Variants in UNC13D observed in about 807,000 individuals in gnomAD.
UNC13D encodes the protein protein unc-13 homolog D.
UNC13D carries 115 observed loss-of-function variants against 151.7 expected under a neutral mutation model. The ratio of observed to expected loss-of-function variants is 0.76; its 90% CI spans 0.65 to 0.88. UNC13D has a LOEUF of 0.88. Among genes scored for constraint, UNC13D ranks in the 40% least tolerant of loss-of-function variants. The pLI, the probability that UNC13D is intolerant of heterozygous loss-of-function variation, is 0.00. For missense variants in UNC13D, 1,369 were observed against 1,438.7 expected, an observed-to-expected ratio of 0.95 and a Z score of 0.78; for synonymous variants, 588 against 612.2, an observed-to-expected ratio of 0.96 and a Z score of 0.58.
At position 75,840,372 on chromosome 17, in the gene UNC13D, T is replaced by A. The variant is rs774224810; in HGVS notation, c.754-43A>T. On this transcript the variant is annotated intron_variant, in intron 9 of 31. Transcript: ENST00000207549. The surrounding 1 kb of genome is among the most constrained non-coding windows in gnomAD (Gnocchi z 4.6). ...CCAGCCCGTGAGCGTCAGAACCTCA[T>A]AGAGTCGGGGCAGCGGAGGCGACAG... 17 of 1,609,964 alleles carry A rather than the reference T, an allele frequency of 1.1e-5. No homozygotes were observed. Among genetic ancestry groups the A allele is most frequent in the Non-Finnish European group, 1.4e-5 (16 of 1,177,510 alleles).
chr17:75,831,141 C>G lies in UNC13D; in HGVS notation c.2582G>C (p.Gly861Ala), dbSNP rs1249700092. ...QNLEICFHAEGCGLPPKALHT... is the reference protein window; with the variant it reads ...QNLEICFHAEACGLPPKALHT... ...CAGGGCCTTGGGTGGCAGGCCACAG[C>G]CCTCAGCGTGGAAGCAGATCTCCAG... The change falls in exon 27 of 32, where the codon GGC becomes GCC. Residue 861 changes from glycine (G) to alanine (A), a missense_variant. Gly to Ala is a moderately conservative substitution (Grantham distance 60, BLOSUM62 0). Transcript: ENST00000207549. The G allele has an allele frequency of 6.2e-7, 1 of 1,614,032 alleles. No individual in the cohort carries two copies. Among genetic ancestry groups the G allele is most frequent in the African/African-American group, 1.3e-5 (1 of 75,058 alleles).
In UNC13D at chr17:75,842,811, G is replaced by A. The variant is rs201250458; in HGVS notation, c.388+46C>T. On this transcript the variant is annotated intron_variant, in intron 5 of 31. Coordinates refer to ENST00000207549, the MANE Select transcript of UNC13D (RefSeq NM_199242.3). ...CCTGGGCCAGGCTGTGATGGGAGAGGAAGGAGCCAGGAAGAAGCCCCTTGG... is the reference window on the plus strand; with the variant it reads ...CCTGGGCCAGGCTGTGATGGGAGAGAAAGGAGCCAGGAAGAAGCCCCTTGG... The A allele has an allele frequency of 1.1e-3, 1,691 of 1,609,786 alleles. 9 individuals are homozygous for A. The Middle Eastern group carries it at 0.02, about 19-fold the overall frequency.
intron 1 of UNC13D, chr17:75,843,842 C>T: frequency 7.3e-7 from 1 of 1,375,202 alleles, no homozygotes; most frequent in Non-Finnish European, 9.4e-7. Flanking sequence ...TGAGGCTCGG[C>T]AGCGGAGGTG....
intron 30 of UNC13D, among the ~76,000 whole-genome samples, chr17:75,829,500 A>G (rs146038906): frequency 0.051 from 7,763 of 151,036 alleles, 387 homozygotes; most frequent in African/African-American, 0.13. Flanking sequence ...TCACCATGTT[A>G]GCCAGGATGG....
At chr17:75,834,828 G>C in intron 21 of UNC13D, 92 bp downstream of exon 21, 4 of 1,610,958 alleles carry the variant, frequency 2.5e-6, no homozygotes, top group Non-Finnish European at 3.4e-6. Context: ...ACAGGCCTTG[G>C]GAGGCTGCCT....
At chr17:75,829,733 G>A (rs1316669415) in intron 30 of UNC13D, 1 of 381,800 alleles carries the variant, frequency 2.6e-6, no homozygotes, top group African/African-American at 2.1e-5. Context: ...TGAGAGTACA[G>A]GTACCCACCA....
rs2064917960 is a variant in UNC13D, at chr17:75,837,653, C to G, written c.1056-735G>C. Among the ~76,000 whole-genome samples, 3 of 149,284 alleles carry G rather than the reference C, an allele frequency of 2.0e-5. No individual in the cohort carries two copies. The Admixed American group carries it at 2.0e-4, about 10-fold the overall frequency. On this transcript the variant is annotated intron_variant, in intron 12 of 31. Transcript: ENST00000207549. ...CCTGTAGTCCCAGCTACTTGGGAGG[C>G]TGAGACAAGAGAATCACTTGAACCT...
chr17:75,835,724 T>A lies in UNC13D; in HGVS notation c.1650A>T (p.Pro550=). 1 of 1,613,764 alleles carries A rather than the reference T, an allele frequency of 6.2e-7. No homozygotes were observed. Residue 550 remains proline (P), a synonymous_variant, in exon 19 of 32, where the codon CCA becomes CCT. Transcript: ENST00000207549. ...GCTGGAACAGACTCTCGCCCATCTC[T>A]GGGGACACTACATCACCCACAACCG... is the stretch of plus-strand genomic sequence containing the variant. ...HTTVVGDVVS[P]EMGESLFQLY...
chr17:75,836,681 C>T lies in UNC13D; in HGVS notation c.1189G>A (p.Ala397Thr), dbSNP rs769602840. 36 of 1,613,646 alleles carry T rather than the reference C, an allele frequency of 2.2e-5. No homozygotes were observed. The highest frequency in any genetic ancestry group is 1.7e-4 in the Middle Eastern group (1 of 6,060). The change falls in exon 14 of 32, where the codon GCC becomes ACC. Residue 397 changes from alanine to threonine, a missense_variant. Physicochemically the swap from Ala to Thr is moderately conservative, Grantham distance 58. Coordinates refer to ENST00000207549, the MANE Select transcript of UNC13D (RefSeq NM_199242.3). ...TAGGTCAGCAGGGAGCTGAATGAGG[C>T]GGCCAGCTCCTCCTGCTGAAGAGCC... ...LKAEQQEELA[A>T]SFSSLLTYGL...
At chr17:75,830,697 G>A (rs370098670) in intron 27 of UNC13D, 36 bp from the exon 28 acceptor site, 2 of 1,552,458 alleles carry the variant, frequency 1.3e-6, no homozygotes, top group Admixed American at 3.9e-5. Flanking sequence ...CACCTGGACT[G>A]CACGCCCAAC....
At chr17:75,831,369 T>C (rs1486813732) in intron 25 of UNC13D, 21 bp from the exon 26 acceptor site, 5 of 1,602,414 alleles carry the variant, frequency 3.1e-6, no homozygotes, top group Admixed American at 1.7e-5. Context: ...GCCGGAGGGA[T>C]GCGGACACAG....
chr17:75,827,303 G>C lies in UNC13D; in HGVS notation c.*662C>G. ...TAGGTGGCAGGTGCTGTCCGGGGAG[G>C]GGGCGTGCGCAGCAGACACAGCAGC... On this transcript the variant is annotated 3_prime_UTR_variant, in exon 32 of 32. Transcript: ENST00000207549. 1 of 619,920 alleles carries C rather than the reference G, an allele frequency of 1.6e-6. No homozygotes were observed. Among genetic ancestry groups the C allele is most frequent in the East Asian group, 3.2e-5 (1 of 30,816 alleles). The allele number at this position is 619,920 out of a possible 1,614,324, so 38.4% of individuals were successfully genotyped here.
At chr17:75,843,135 G>A (rs764920061) in intron 3 of UNC13D, 24 bp downstream of exon 3, 6 of 1,609,524 alleles carry the variant, frequency 3.7e-6, no homozygotes, top group East Asian at 4.5e-5. Flanking sequence ...GCAGGAAGGG[G>A]GGTGGGGTGG....
At position 75,836,638 on chromosome 17, in the gene UNC13D, CG is replaced by C. The variant is rs775830124; in HGVS notation, c.1231del (p.Arg411GlyfsTer31). 6.2e-7 allele frequency: 1 copy of C among 1,613,788 alleles called. No individual in the cohort carries two copies. The highest frequency in any genetic ancestry group is 8.5e-7 in the Non-Finnish European group (1 of 1,180,026). ...SLLTYGLSLI[R>X]RFRSVFPLSV... ...GAGGGGGAAGACAGAGCGGAACCTCCGGATGAGGGAGAGGCCGTAGGTCAGC... is the reference window on the plus strand; with the variant it reads ...GAGGGGGAAGACAGAGCGGAACCTCCGATGAGGGAGAGGCCGTAGGTCAGC... On this transcript the variant is annotated frameshift_variant, in exon 14 of 32. Coordinates refer to ENST00000207549, the MANE Select transcript of UNC13D (RefSeq NM_199242.3). LOFTEE classifies it high-confidence loss of function.
chr17:75,832,719 T>G lies in UNC13D; in HGVS notation c.2447+247A>C, dbSNP rs946900694. ...TGAGAAGTGGCAAGCTCCCCGTCCC[T>G]GCAGCGAGCCTTAGCAGAGCCTGTT... On this transcript the variant is annotated intron_variant, in intron 25 of 31. Transcript: ENST00000207549. This position sits in a 1 kb window ranked among gnomAD's most constrained non-coding sequence, Gnocchi z 4.3. 1 of 452,972 alleles carries G rather than the reference T, an allele frequency of 2.2e-6. No individual in the cohort carries two copies. Among genetic ancestry groups the G allele is most frequent in the Middle Eastern group, 3.1e-4 (1 of 3,182 alleles). 28.1% of individuals were successfully genotyped at this position (452,972 alleles called of 1,614,324 possible).
chr17:75,839,862 T>A lies in UNC13D; in HGVS notation c.1032A>T (p.Leu344=). 1 of 1,613,908 alleles carries A rather than the reference T, an allele frequency of 6.2e-7. No individual in the cohort carries two copies. Among genetic ancestry groups the A allele is most frequent in the Non-Finnish European group, 8.5e-7 (1 of 1,179,994 alleles). ...ACGCCATGGACTGGTGGAAGTCGGA[T>A]AGGTCCTTCTGTGTGGCGTGCAGAA... ...VLFLHATQKD[L]SDFHQSMAQW... is the part of the protein sequence containing the mutation. Residue 344 remains leucine (L), a synonymous_variant, in exon 12 of 32, where the codon CTA becomes CTT. Transcript: ENST00000207549.
Position 75,828,967 on chromosome 17 carries a change from G to T in UNC13D, c.2971C>A (p.Pro991Thr), listed in dbSNP as rs1478177611. ...ETFEFLVPAE[P>T]CRKAGACLLL... ...AGGCATGCCCCAGCCTTGCGGCACG[G>T]CTCAGCAGGCACCAGGCTGCGGGGA... Residue 991 changes from proline (P) to threonine (T), a missense_variant, in exon 31 of 32, where the codon CCG becomes ACG. This residue lies in a region of UNC13D where 807 missense variants were observed against 795.5 expected (regional missense o/e 1.01). Transcript: ENST00000207549. The T allele has an allele frequency of 1.2e-6, 2 of 1,603,958 alleles. No homozygotes were observed. Among genetic ancestry groups the T allele is most frequent in the East Asian group, 2.2e-5 (1 of 44,862 alleles).
Position 75,831,007 on chromosome 17 carries a change from C to G in UNC13D, c.2625+91G>C. 2.0e-6 allele frequency: 3 copies of G among 1,468,266 alleles called. No homozygotes were observed. The South Asian group carries it at 3.5e-5, about 17-fold the overall frequency. 91.0% of individuals were successfully genotyped at this position (1,468,266 alleles called of 1,614,324 possible). A position where few individuals can be genotyped will look rare whatever the true frequency, so the allele number is the denominator to read the frequency against. ...CAGTTTTTCATTTTGTACTGGGCCCCATAAATTATGTAGCCGACCCTGGAC... is the reference window on the plus strand; with the variant it reads ...CAGTTTTTCATTTTGTACTGGGCCCGATAAATTATGTAGCCGACCCTGGAC... On this transcript the variant is annotated intron_variant, in intron 27 of 31. Coordinates refer to ENST00000207549, the MANE Select transcript of UNC13D (RefSeq NM_199242.3).
At chr17:75,834,783 G>T in intron 21 of UNC13D, 67 bp from the exon 22 acceptor site, 1 of 1,606,480 alleles carries the variant, frequency 6.2e-7, no homozygotes, top group Non-Finnish European at 8.5e-7. Flanking sequence ...AGGTGGGAGG[G>T]CATGGGAATT....
Sources: gnomAD v4.1 joint callset for allele counts (sites outside exome capture counted in the v4.1 genomes callset) on GRCh38, gnomAD v4.1.1 for gene constraint, gnomAD v4.1.1 regional missense constraint, Gnocchi (gnomAD v3.1) non-coding constraint, MANE v1.5 for transcripts, NCBI Gene and HGNC (gene_info 2026-07-23, HGNC 2026-07-21) for gene names.